Variants in ZSWIM6 observed in about 807,000 individuals in gnomAD.
The protein encoded by ZSWIM6 is zinc finger SWIM domain-containing protein 6.
ZSWIM6 carries 9 observed loss-of-function variants against 113.2 expected under a neutral mutation model. The ratio of observed to expected loss-of-function variants is 0.08; its 90% confidence interval spans 0.05 to 0.14. ZSWIM6 has a LOEUF of 0.14. Among genes scored for constraint, ZSWIM6 ranks in the 10% least tolerant of loss-of-function variants. ZSWIM6 has a pLI of 1.00. For missense variants in ZSWIM6, 1,162 were observed against 1,552.2 expected (o/e 0.75, Z 4.22); for synonymous variants, 611 against 606.5 (o/e 1.01, Z -0.11).
At chr5:61,414,398 A>C (rs1746206036) in intron 1 of ZSWIM6, among the ~76,000 whole-genome samples, 1 of 152,148 alleles carries the variant, frequency 6.6e-6, no homozygotes. Flanking sequence ...GGAAAAGAAC[A>C]GTTTTGGGAC....
intron 1 of ZSWIM6, among the ~76,000 whole-genome samples, chr5:61,346,854 G>T (rs1350644602): frequency 2.6e-5 from 4 of 152,106 alleles, no homozygotes; most frequent in Non-Finnish European, 4.4e-5. Context: ...TTTCAATAAT[G>T]ACTACTACTG....
At chr5:61,540,080 C>T (rs1749688764) in intron 12 of ZSWIM6, among the ~76,000 whole-genome samples, 1 of 152,088 alleles carries the variant, frequency 6.6e-6, no homozygotes. Flanking sequence ...TAATAAGAGA[C>T]TTAAATAAAG....
chr5:61,492,435 G>C (rs139156117), intron 3 of ZSWIM6, among the ~76,000 whole-genome samples: 4 of 152,000 alleles, frequency 2.6e-5, no homozygotes, highest in Non-Finnish European at 5.9e-5. Context: ...GACAGATACG[G>C]GTTCTGATCC....
At chr5:61,337,964 A>G (rs182454353) in intron 1 of ZSWIM6, among the ~76,000 whole-genome samples, 1 of 152,074 alleles carries the variant, frequency 6.6e-6, no homozygotes, top group East Asian at 1.9e-4. Flanking sequence ...GTGTGTTCGC[A>G]TATGTGTGTG....
chr5:61,500,238 T>C (rs1179462832), intron 4 of ZSWIM6, among the ~76,000 whole-genome samples: 1 of 151,880 alleles, frequency 6.6e-6, no homozygotes, highest in Non-Finnish European at 1.5e-5. Context: ...GTAATTCTCC[T>C]ACCTTAGCCT....
At chr5:61,542,831 T>C (rs1374194559) in intron 13 of ZSWIM6, among the ~76,000 whole-genome samples, 1 of 152,232 alleles carries the variant, frequency 6.6e-6, no homozygotes, top group Non-Finnish European at 1.5e-5. Context: ...GATTTCTCTC[T>C]GAGACCTAGT....
chr5:61,412,024 T>A (rs965070869), intron 1 of ZSWIM6, among the ~76,000 whole-genome samples: 1 of 152,212 alleles, frequency 6.6e-6, no homozygotes, highest in Non-Finnish European at 1.5e-5. Flanking sequence ...TTGATTTAAT[T>A]TCAGCCCACA....
chr5:61,424,785 T>C (rs1746430579), intron 1 of ZSWIM6, among the ~76,000 whole-genome samples: 1 of 150,482 alleles, frequency 6.6e-6, no homozygotes, highest in Non-Finnish European at 1.5e-5. Flanking sequence ...TGGAGTGCAG[T>C]GGTGCGATCT....
At chr5:61,408,922 G>A (rs946444090) in intron 1 of ZSWIM6, among the ~76,000 whole-genome samples, 27 of 152,210 alleles carry the variant, frequency 1.8e-4, no homozygotes, top group Non-Finnish European at 1.0e-4. Flanking sequence ...GTCAGGATGG[G>A]GCGAGGCCTG....
chr5:61,350,751 T>C (rs930048449), intron 1 of ZSWIM6, among the ~76,000 whole-genome samples: 1 of 152,230 alleles, frequency 6.6e-6, no homozygotes, highest in Non-Finnish European at 1.5e-5. Flanking sequence ...TGTCTTACTA[T>C]CCGTGTGCCT....
At chr5:61,351,841 A>G (rs1744791900) in intron 1 of ZSWIM6, among the ~76,000 whole-genome samples, 4 of 152,174 alleles carry the variant, frequency 2.6e-5, no homozygotes, top group Admixed American at 6.5e-5. Flanking sequence ...AAAATTTTAT[A>G]TGCTATGTTT....
At chr5:61,385,837 G>C (rs1313446843) in intron 1 of ZSWIM6, among the ~76,000 whole-genome samples, 1 of 152,164 alleles carries the variant, frequency 6.6e-6, no homozygotes, top group East Asian at 1.9e-4. Context: ...TTCGAATAGA[G>C]GCAAACACCC....
intron 1 of ZSWIM6, among the ~76,000 whole-genome samples, chr5:61,444,143 T>C (rs1746897010): frequency 7.8e-6 from 1 of 128,002 alleles, no homozygotes; most frequent in Admixed American, 9.9e-5. Flanking sequence ...TTCCCCTTCC[T>C]GTGTCCATGT....
At chr5:61,383,230 A>G (rs779552624) in intron 1 of ZSWIM6, among the ~76,000 whole-genome samples, 1 of 152,172 alleles carries the variant, frequency 6.6e-6, no homozygotes, top group Non-Finnish European at 1.5e-5. Flanking sequence ...CTTTCTTTTT[A>G]AGTTTCAGGC....
intron 3 of ZSWIM6, among the ~76,000 whole-genome samples, chr5:61,491,703 G>T (rs2112215663): frequency 6.6e-6 from 1 of 152,002 alleles, no homozygotes; most frequent in South Asian, 2.1e-4. Flanking sequence ...TTTTCATTGG[G>T]GGTATAGTCA....
rs1278674354 is a variant in ZSWIM6 at position 61,525,839 on chromosome 5, C to G, written c.1553C>G (p.Ala518Gly). Residue 518 changes from alanine to glycine, a missense_variant, in exon 6 of 14, where the codon GCC (alanine) becomes GGC (glycine). Physicochemically the swap from Ala to Gly is moderately conservative, Grantham distance 60 (BLOSUM62 0). Coordinates refer to ENST00000252744, the MANE Select transcript of ZSWIM6 (RefSeq NM_020928.2). ...CCACATCGGACAGTGTTCACCCGAG[C>G]CATCGAGGCATGCGATCTCCACTGG... ...NRPHRTVFTR[A>G]IEACDLHWQD... The G allele has an allele frequency of 6.4e-7, 1 of 1,551,600 alleles. No homozygotes were observed. The highest frequency in any genetic ancestry group is 8.7e-7 in the Non-Finnish European group (1 of 1,146,978).
At chr5:61,375,458 G>T in intron 1 of ZSWIM6, 1 of 1,539,766 alleles carries the variant, frequency 6.5e-7, no homozygotes, top group Non-Finnish European at 8.8e-7. Flanking sequence ...GATTCTTCCA[G>T]CAGTTCTTCT....
intron 4 of ZSWIM6, among the ~76,000 whole-genome samples, chr5:61,505,998 G>A (rs1337528132): frequency 2.0e-5 from 3 of 151,400 alleles, no homozygotes; most frequent in African/African-American, 4.9e-5. Context: ...CACCCACCTC[G>A]ACCTCCCAAA....
intron 1 of ZSWIM6, chr5:61,392,021 A>G: frequency 5.2e-6 from 2 of 384,612 alleles, no homozygotes. Context: ...TCATAGATTG[A>G]CATGCATTCG....
Sources: gnomAD v4.1 joint callset for allele counts (sites outside exome capture counted in the v4.1 genomes callset) on GRCh38, gnomAD v4.1.1 for gene constraint, MANE v1.5 for transcripts, NCBI Gene and HGNC (gene_info 2026-07-23, HGNC 2026-07-21) for gene names.